The following ELOVL5 variants were observed in gnomAD, a reference collection of about 807,000 sequenced individuals.
The protein encoded by ELOVL5 is ELOVL fatty acid elongase 5.
A neutral mutation model predicts 38.6 loss-of-function variants in ELOVL5; 8 were observed. That is an observed-to-expected ratio of 0.21 (90% CI 0.12 to 0.37). The LOEUF (loss-of-function observed/expected upper bound fraction) is 0.37, where lower values mean the gene tolerates loss of function less well. Ranked by LOEUF, ELOVL5 falls within the 10% of genes least tolerant of loss-of-function variation. ELOVL5 has a pLI of 1.00. For synonymous variants in ELOVL5, 127 were observed against 133.7 expected, an observed-to-expected ratio of 0.95 and a Z score of 0.34; for missense variants, 280 against 367.8, an observed-to-expected ratio of 0.76 and a Z score of 1.95.
At chr6:53,270,452 G>T in intron 7 of ELOVL5, 141 bp downstream of exon 7, 9 of 834,598 alleles carry the variant, frequency 1.1e-5, no homozygotes, top group Non-Finnish European at 1.3e-5. Flanking sequence ...CAGAGGCAGG[G>T]GCTGCTCTTG....
intron 2 of ELOVL5, chr6:53,294,116 T>G (rs890187527): frequency 2.1e-6 from 3 of 1,396,924 alleles, no homozygotes; most frequent in Admixed American, 2.9e-5. Context: ...ATTTACACTT[T>G]GCTTTATTCA....
At chr6:53,303,390 GTA>G (rs1373178780) in intron 1 of ELOVL5, among the ~76,000 whole-genome samples, 1 of 152,288 alleles carries the variant, frequency 6.6e-6, no homozygotes, top group African/African-American at 2.4e-5. Flanking sequence ...ATCTGATTGT[GTA>G]CTGTCATCCT....
chr6:53,277,159 G>A (rs1294409372), intron 3 of ELOVL5: 1 of 153,686 alleles, frequency 6.5e-6, no homozygotes, highest in Non-Finnish European at 1.5e-5. Context: ...GGAACAAGAG[G>A]TGATTACAAG....
At chr6:53,303,113 T>C (rs1397426594) in intron 1 of ELOVL5, among the ~76,000 whole-genome samples, 1 of 152,182 alleles carries the variant, frequency 6.6e-6, no homozygotes, top group Non-Finnish European at 1.5e-5. Flanking sequence ...GTGCTTTAAT[T>C]TGGTAGTCAC....
chr6:53,333,973 T>C (rs538066303), intron 1 of ELOVL5, among the ~76,000 whole-genome samples: 2 of 152,284 alleles, frequency 1.3e-5, no homozygotes, highest in African/African-American at 4.8e-5. Flanking sequence ...TCCCTGTCTA[T>C]GGTATCCTAC....
intron 1 of ELOVL5, among the ~76,000 whole-genome samples, chr6:53,301,030 A>G (rs1325646104): frequency 6.6e-6 from 1 of 152,326 alleles, no homozygotes; most frequent in Admixed American, 6.5e-5. Flanking sequence ...TGCCCTGTTA[A>G]GTAAATTGGG....
At chr6:53,319,059 A>G (rs6458915) in intron 1 of ELOVL5, among the ~76,000 whole-genome samples, 2,228 of 152,028 alleles carry the variant, frequency 0.015, 65 homozygotes, top group African/African-American at 0.051. Context: ...AGAGGCGGGC[A>G]GATCACAAGG....
intron 2 of ELOVL5, among the ~76,000 whole-genome samples, chr6:53,293,851 T>A (rs1213740226): frequency 6.6e-6 from 1 of 152,196 alleles, no homozygotes; most frequent in Admixed American, 6.5e-5. Flanking sequence ...CCACTAGTTA[T>A]GCTATGGTCA....
chr6:53,291,159 T>C (rs1459988926), intron 3 of ELOVL5, among the ~76,000 whole-genome samples: 1 of 152,242 alleles, frequency 6.6e-6, no homozygotes, highest in Non-Finnish European at 1.5e-5. Context: ...TTTTAAGCTA[T>C]AACATTTGCC....
At chr6:53,276,431 G>A (rs909314989) in intron 3 of ELOVL5, among the ~76,000 whole-genome samples, 175 bp from the exon 4 acceptor site, 1 of 152,318 alleles carries the variant, frequency 6.6e-6, no homozygotes, top group East Asian at 1.9e-4. Flanking sequence ...TTAATGACTT[G>A]AGTCTCAATT....
At chr6:53,295,482 T>C (rs147724199) in intron 2 of ELOVL5, among the ~76,000 whole-genome samples, 160 bp downstream of exon 2, 23 of 152,354 alleles carry the variant, frequency 1.5e-4, no homozygotes, top group African/African-American at 5.3e-4. Flanking sequence ...CAGGTGTCTC[T>C]GTCAGAGACT....
At chr6:53,302,475 C>T (rs1767297713) in intron 1 of ELOVL5, among the ~76,000 whole-genome samples, 1 of 152,148 alleles carries the variant, frequency 6.6e-6, no homozygotes. Context: ...GGAGAAGGCA[C>T]AGTCACAATT....
rs201445590 is a variant in ELOVL5 at position 53,298,903 on chromosome 6, G to GC, written c.-8-3197_-8-3196insG. On this transcript the variant is annotated intron_variant, in intron 1 of 7. Transcript: ENST00000304434. ...GCAAGAGAAGGTGGGGGCAAGGCGG[G>GC]GGGGGGGAGTTGATAATATATCAGG... Among the ~76,000 whole-genome samples the GC allele has an allele frequency of 4.6e-4, 69 of 150,146 alleles. 3 individuals carry two copies. In the East Asian group the frequency reaches 0.011, roughly 25 times the overall value.
At chr6:53,297,260 C>T (rs1273893418) in intron 1 of ELOVL5, among the ~76,000 whole-genome samples, 1 of 152,208 alleles carries the variant, frequency 6.6e-6, no homozygotes, top group African/African-American at 2.4e-5. Context: ...GTCACTTCTG[C>T]AATCCAACAA....
intron 2 of ELOVL5, chr6:53,294,310 G>C: frequency 6.4e-7 from 1 of 1,572,226 alleles, no homozygotes; most frequent in South Asian, 1.2e-5. Flanking sequence ...AAGCAATTGT[G>C]GCCAGTGAGT....
At chr6:53,293,284 C>T (rs1400969847) in intron 2 of ELOVL5, among the ~76,000 whole-genome samples, 1 of 152,138 alleles carries the variant, frequency 6.6e-6, no homozygotes, top group Non-Finnish European at 1.5e-5. Flanking sequence ...GTTGGGAGGA[C>T]AGCCTTTGCC....
intron 1 of ELOVL5, among the ~76,000 whole-genome samples, chr6:53,326,569 C>T (rs1463059083): frequency 1.3e-5 from 2 of 152,210 alleles, no homozygotes; most frequent in East Asian, 3.8e-4. Flanking sequence ...CCCACTTCCC[C>T]TCTATCTGTG....
chr6:53,336,722 C>T (rs192320627), intron 1 of ELOVL5, among the ~76,000 whole-genome samples: 7 of 152,262 alleles, frequency 4.6e-5, no homozygotes, highest in South Asian at 4.1e-4. Context: ...CACCCTATTC[C>T]GTCCTTGGGA....
rs533627587 is a variant in ELOVL5 at position 53,313,668 on chromosome 6, T to C, written c.-8-17961A>G. 6.6e-5 allele frequency among the ~76,000 whole-genome samples: 10 copies of C among 152,280 alleles called. No homozygotes were observed. In the South Asian group the frequency reaches 1.9e-3, roughly 28 times the overall value. On this transcript the variant is annotated intron_variant, in intron 1 of 7. Coordinates refer to ENST00000304434, the MANE Select transcript of ELOVL5 (RefSeq NM_021814.5). ...TGAGCCACCATGCCTGGCTAAAAAC[T>C]TAGTTTTAGACTGTCAGATTCCAGA...
Sources: allele counts gnomAD v4.1 joint callset (sites outside exome capture counted in the v4.1 genomes callset), GRCh38; gene constraint gnomAD v4.1.1; transcripts MANE v1.5; gene names NCBI Gene and HGNC (gene_info 2026-07-23, HGNC 2026-07-21).